The following PM20D2 variants were observed in gnomAD, a reference collection of about 807,000 sequenced individuals.
PM20D2 encodes the protein xaa-Arg dipeptidase.
Under a neutral mutation model 42.9 loss-of-function variants are expected in PM20D2, and 33 were observed. That is an observed-to-expected ratio of 0.77 (90% CI 0.58 to 1.03). The LOEUF (loss-of-function observed/expected upper bound fraction) is 1.03, where lower values mean the gene tolerates loss of function less well. PM20D2 is among the 50% of genes least tolerant of loss of function. The pLI is 0.00. For missense variants in PM20D2, 548 were observed against 557.0 expected (o/e 0.98, Z 0.16); for synonymous variants, 250 against 228.2 (o/e 1.10, Z -0.86).
chr6:89,130,278 T>C, the PM20D2 span, among the ~76,000 whole-genome samples: 1 of 152,050 alleles, frequency 6.6e-6, no homozygotes, highest in Non-Finnish European at 1.5e-5. Context: ...TTTATTTCAT[T>C]AGTAGAGATG....
At chr6:89,148,686 A>G in intron 1 of PM20D2, 1 of 548,510 alleles carries the variant, frequency 1.8e-6, no homozygotes, top group Non-Finnish European at 2.3e-6. Flanking sequence ...CCAGTAAGGA[A>G]TCAGAGTTTA....
At chr6:89,124,509 C>A in the PM20D2 span, among the ~76,000 whole-genome samples, 1 of 152,030 alleles carries the variant, frequency 6.6e-6, no homozygotes, top group East Asian at 1.9e-4. Flanking sequence ...CAGATTAGTT[C>A]TCTGGCGGGG....
chr6:89,096,299 G>A, the PM20D2 span: 2 of 152,204 alleles, frequency 1.3e-5, no homozygotes, highest in African/African-American at 4.8e-5. Flanking sequence ...ATGGCTGTGT[G>A]CCCTTGTAAC....
the PM20D2 span, among the ~76,000 whole-genome samples, chr6:89,130,050 T>TAA: frequency 4.0e-5 from 6 of 149,190 alleles, no homozygotes; most frequent in African/African-American, 1.2e-4. Flanking sequence ...TCTTCTAAAT[T>TAA]AAAAAAAAAA....
At chr6:89,133,053 T>A in the PM20D2 span, among the ~76,000 whole-genome samples, 1 of 150,326 alleles carries the variant, frequency 6.7e-6, no homozygotes, top group African/African-American at 2.5e-5. Context: ...TGAGACCTCA[T>A]TCTACCAAAG....
rs3831213 is a variant in PM20D2, at chr6:89,158,471, GT to G, written c.1048+18del. The G allele has an allele frequency of 7.5e-6, 12 of 1,596,136 alleles. No individual in the cohort carries two copies. In the East Asian group the frequency reaches 1.8e-4, roughly 24 times the overall value. On this transcript the variant is annotated intron_variant, in intron 5 of 6. Transcript: ENST00000275072. ...TGAATGGCCCTTCAGGTAATTAAGT[GT>G]TTTTTTATATATTGAGCTATTTGAG... is the stretch of plus-strand genomic sequence containing the variant.
chr6:89,137,790 T>TC, the PM20D2 span, among the ~76,000 whole-genome samples: 1 of 152,318 alleles, frequency 6.6e-6, no homozygotes, highest in Middle Eastern at 3.4e-3. Context: ...CCTCTTTTTT[T>TC]CTCTCTTTCC....
the PM20D2 span, among the ~76,000 whole-genome samples, chr6:89,140,090 C>T: frequency 6.6e-6 from 1 of 152,050 alleles, no homozygotes; most frequent in Non-Finnish European, 1.5e-5. Context: ...CACATACCAC[C>T]ACACCCAGCT....
chr6:89,101,109 C>CAAA, the PM20D2 span, among the ~76,000 whole-genome samples: 3 of 54,630 alleles, frequency 5.5e-5, no homozygotes, highest in Non-Finnish European at 1.4e-4. Context: ...ACCTCCAAGA[C>CAAA]AAAAAAAAAA....
At chr6:89,137,023 G>T in the PM20D2 span, among the ~76,000 whole-genome samples, 1 of 151,112 alleles carries the variant, frequency 6.6e-6, no homozygotes, top group African/African-American at 2.5e-5. Context: ...TAGAATCATG[G>T]ATTGATTAAG....
upstream of PM20D2, among the ~76,000 whole-genome samples, chr6:89,141,060 G>A (rs757726576): frequency 5.3e-5 from 8 of 152,078 alleles, no homozygotes; most frequent in Admixed American, 2.6e-4. Flanking sequence ...TACTAGCTAT[G>A]TAGAAATGCA....
the PM20D2 span, among the ~76,000 whole-genome samples, chr6:89,134,146 A>G: frequency 4.6e-5 from 7 of 151,208 alleles, 1 homozygote; most frequent in African/African-American, 1.5e-4. Flanking sequence ...TTCAGCACAC[A>G]TTAAATGACA....
Position 89,153,026 on chromosome 6 carries a change from G to A in PM20D2, c.615-17G>A. The A allele has an allele frequency of 6.4e-7, 1 of 1,556,540 alleles. No individual in the cohort carries two copies. The highest frequency in any genetic ancestry group is 2.0e-5 in the Admixed American group (1 of 50,858). ...AATAATAACAAAAGTAATTTCAAAT[G>A]ATTTTTTATTTCCTAGTGTGACTGT... On this transcript the variant is annotated splice_polypyrimidine_tract_variant and intron_variant, in intron 2 of 6. Transcript: ENST00000275072.
At chr6:89,117,728 C>T in the PM20D2 span, 1 of 1,267,848 alleles carries the variant, frequency 7.9e-7, no homozygotes, top group Non-Finnish European at 1.0e-6. Flanking sequence ...CCGCGCAGCT[C>T]CCCCGAGCCT....
At position 89,165,214 on chromosome 6, in the gene PM20D2, T is replaced by C. The variant is rs961278393; in HGVS notation, c.*2951T>C. The C allele has an allele frequency of 1.3e-5, 2 of 152,160 alleles. No individual in the cohort carries two copies. The highest frequency in any genetic ancestry group is 2.9e-5 in the Non-Finnish European group (2 of 68,014). The allele number at this position is 152,160 out of a possible 1,614,324, so 9.4% of individuals were successfully genotyped here. On this transcript the variant is annotated 3_prime_UTR_variant, in exon 7 of 7. Coordinates refer to ENST00000275072, the MANE Select transcript of PM20D2 (RefSeq NM_001010853.3). Reference sequence around the variant, plus strand: ...TAAAAACCTGTCTGATGGTGTTTTATACATTTCTAACTTTTTACCTGAGTT... The same window carrying C: ...TAAAAACCTGTCTGATGGTGTTTTACACATTTCTAACTTTTTACCTGAGTT...
intron 5 of PM20D2, among the ~76,000 whole-genome samples, chr6:89,160,732 A>G (rs1240642698): frequency 6.6e-6 from 1 of 152,242 alleles, no homozygotes; most frequent in Non-Finnish European, 1.5e-5. Flanking sequence ...ACTGTAAAGG[A>G]GAGTAATACA....
chr6:89,118,369 C>A, the PM20D2 span, among the ~76,000 whole-genome samples: 14 of 152,356 alleles, frequency 9.2e-5, no homozygotes, highest in Non-Finnish European at 1.8e-4. Flanking sequence ...CGCCCCCGCT[C>A]AGCCTCCGCG....
chr6:89,122,423 A>G, the PM20D2 span, among the ~76,000 whole-genome samples: 5 of 152,240 alleles, frequency 3.3e-5, no homozygotes, highest in African/African-American at 9.6e-5. Flanking sequence ...TGAGCAATAC[A>G]TACGATATTT....
At chr6:89,132,010 A>G in the PM20D2 span, among the ~76,000 whole-genome samples, 3 of 152,240 alleles carry the variant, frequency 2.0e-5, no homozygotes, top group Non-Finnish European at 4.4e-5. Context: ...TGCAAAAGTT[A>G]GTCATCTTTG....
Sources: gnomAD v4.1 joint callset for allele counts (sites outside exome capture counted in the v4.1 genomes callset) on GRCh38, gnomAD v4.1.1 for gene constraint, MANE v1.5 for transcripts, NCBI Gene and HGNC (gene_info 2026-07-23, HGNC 2026-07-21) for gene names.